Variants in OR2L2 observed in about 807,000 individuals in gnomAD.
OR2L2 encodes olfactory receptor 2L2.
For synonymous variants in OR2L2, 156 were observed against 135.4 expected (o/e 1.15, Z -1.06); for missense variants, 378 against 375.2 (o/e 1.01, Z -0.06).
rs1290793636 is a variant in OR2L2, at chr1:248,038,936, T to A, written c.669T>A (p.Ala223=). The change falls in exon 3 of 3, where the codon GCT becomes GCA. Residue 223 remains alanine, a synonymous_variant. Transcript: ENST00000641771. Reference sequence around the variant, plus strand: ...GTTCCTATGGCCGGGTTCTCCTTGCTGTCTACCGCATGCACTCTGCAGAAG... The same window carrying A: ...GTTCCTATGGCCGGGTTCTCCTTGCAGTCTACCGCATGCACTCTGCAGAAG... ...IACSYGRVLL[A]VYRMHSAEGR... is the part of the protein sequence containing the mutation. The A allele has an allele frequency of 1.9e-6, 3 of 1,614,206 alleles. No homozygotes were observed. Among genetic ancestry groups the A allele is most frequent in the Non-Finnish European group, 2.5e-6 (3 of 1,180,032 alleles).
intron 1 of OR2L2, among the ~76,000 whole-genome samples, chr1:248,034,578 A>T (rs1558191314): frequency 6.6e-6 from 1 of 152,220 alleles, no homozygotes; most frequent in Non-Finnish European, 1.5e-5. Context: ...TTGACATCTT[A>T]ACAGTGTTAA....
At position 248,039,138 on chromosome 1, in the gene OR2L2, C is replaced by G; in HGVS notation, c.871C>G (p.Leu291Val). 6.2e-7 allele frequency: 1 copy of G among 1,613,844 alleles called. No individual in the cohort carries two copies. The highest frequency in any genetic ancestry group is 8.5e-7 in the Non-Finnish European group (1 of 1,179,896). The change falls in exon 3 of 3, where the codon CTG becomes GTG. Residue 291 changes from leucine (L) to valine (V), a missense_variant. By Grantham distance (32) the Leu-to-Val change is conservative. Transcript: ENST00000641771. Reference protein sequence around the residue: ...TPMLNPIIYSLRNKEVMGALT... With the variant: ...TPMLNPIIYSVRNKEVMGALT... ...AATGCTCAACCCCATCATCTACAGC[C>G]TGAGAAACAAGGAGGTGATGGGGGC...
At position 248,040,678 on chromosome 1, in the gene OR2L2, T is replaced by G. The variant is rs1662926481; in HGVS notation, c.*1472T>G. Reference sequence around the variant, plus strand: ...GTAAGAGTAGAGTATATAAGACATATAAGATACAAAGTTGTGTTAATTGAA... The same window carrying G: ...GTAAGAGTAGAGTATATAAGACATAGAAGATACAAAGTTGTGTTAATTGAA... On this transcript the variant is annotated 3_prime_UTR_variant, in exon 3 of 3. Transcript: ENST00000641771. 1 of 152,332 alleles carries G rather than the reference T, an allele frequency of 6.6e-6. No homozygotes were observed. The highest frequency in any genetic ancestry group is 2.1e-4 in the South Asian group (1 of 4,834). The allele number at this position is 152,332 out of a possible 1,614,324, so 9.4% of individuals were successfully genotyped here. A position where few individuals can be genotyped will look rare whatever the true frequency, so the allele number is the denominator to read the frequency against.
Position 248,039,258 on chromosome 1 carries a change from T to A in OR2L2, c.*52T>A. ...CGCTAGGTTCATATCAACTTAGTAG[T>A]GTACAGCAGTGAAGAAAAACATTAT... On this transcript the variant is annotated 3_prime_UTR_variant, in exon 3 of 3. Coordinates refer to ENST00000641771, the MANE Select transcript of OR2L2 (RefSeq NM_001385855.1). 1.3e-6 allele frequency: 2 copies of A among 1,484,336 alleles called. No homozygotes were observed. The allele number at this position is 1,484,336 out of a possible 1,614,324, so 91.9% of individuals were successfully genotyped here.
intron 1 of OR2L2, among the ~76,000 whole-genome samples, chr1:248,033,445 AT>A (rs753152737): frequency 6.8e-6 from 1 of 147,960 alleles, no homozygotes; most frequent in South Asian, 2.1e-4. Flanking sequence ...CTTCTCCTTC[AT>A]TTTTTTTTGA....
Position 248,040,308 on chromosome 1 carries a change from C to A in OR2L2, c.*1102C>A, listed in dbSNP as rs1662915601. ...TCCAGAAGAGCCCATTCCTGAGAGA[C>A]TCTTTTATCTCTGAGGAGAGAAGGC... On this transcript the variant is annotated 3_prime_UTR_variant, in exon 3 of 3. Coordinates refer to ENST00000641771, the MANE Select transcript of OR2L2 (RefSeq NM_001385855.1). 1 of 152,220 alleles carries A rather than the reference C, an allele frequency of 6.6e-6. No individual in the cohort carries two copies. Among genetic ancestry groups the A allele is most frequent in the Non-Finnish European group, 1.5e-5 (1 of 68,068 alleles). 9.4% of individuals were successfully genotyped at this position (152,220 alleles called of 1,614,324 possible).
In OR2L2 at chr1:248,038,523, T is replaced by G; in HGVS notation, c.256T>G (p.Tyr86Asp). The G allele has an allele frequency of 1.2e-6, 2 of 1,614,190 alleles. No individual in the cohort carries two copies. The highest frequency in any genetic ancestry group is 1.7e-6 in the Non-Finnish European group (2 of 1,180,022). ...IVPKMVYDFL[Y>D]GNKSISFTGC... ...TCCAAAGATGGTTTATGATTTTCTG[T>G]ATGGAAACAAGTCTATCTCCTTCAC... Residue 86 changes from tyrosine to aspartate, a missense_variant, in exon 3 of 3, where the codon TAT becomes GAT. Transcript: ENST00000641771.
chr1:248,034,614 G>A (rs970574077), intron 1 of OR2L2, among the ~76,000 whole-genome samples: 2 of 152,100 alleles, frequency 1.3e-5, no homozygotes, highest in African/African-American at 2.4e-5. Flanking sequence ...AATACAGAAT[G>A]TATTTCCATT....
At chr1:248,032,754 G>A (rs1662652434) in intron 1 of OR2L2, among the ~76,000 whole-genome samples, 1 of 151,990 alleles carries the variant, frequency 6.6e-6, no homozygotes, top group Admixed American at 6.6e-5. Flanking sequence ...TTTCTCTGTG[G>A]ATGGACACTT....
chr1:248,030,907 T>G (rs1413134448), intron 1 of OR2L2, among the ~76,000 whole-genome samples: 1 of 152,228 alleles, frequency 6.6e-6, no homozygotes, highest in Non-Finnish European at 1.5e-5. Context: ...GAAGGCTGGT[T>G]TTTCTACTTG....
At chr1:248,035,232 C>T (rs534093703) in intron 1 of OR2L2, among the ~76,000 whole-genome samples, 183 of 152,014 alleles carry the variant, frequency 1.2e-3, no homozygotes, top group South Asian at 3.3e-3. Flanking sequence ...GGGCGGATCA[C>T]GAGGTCAGGA....
chr1:248,035,937 A>G (rs902396598), intron 2 of OR2L2, among the ~76,000 whole-genome samples: 3 of 152,180 alleles, frequency 2.0e-5, no homozygotes, highest in Admixed American at 1.3e-4. Flanking sequence ...TGATGGTGAT[A>G]CATATATACA....
chr1:248,033,228 T>G (rs1054143425), intron 1 of OR2L2, among the ~76,000 whole-genome samples: 1 of 152,178 alleles, frequency 6.6e-6, no homozygotes, highest in African/African-American at 2.4e-5. Flanking sequence ...CACTTAGGTC[T>G]TTGATTTATT....
rs1386108633 is a variant in OR2L2 at position 248,038,853 on chromosome 1, A to T, written c.586A>T (p.Ser196Cys). The T allele has an allele frequency of 3.1e-6, 5 of 1,614,158 alleles. No homozygotes were observed. The highest frequency in any genetic ancestry group is 1.1e-5 in the South Asian group (1 of 91,082). Residue 196 changes from serine to cysteine, a missense_variant, in exon 3 of 3, where the codon AGC becomes TGC. Ser to Cys is a moderately radical substitution (Grantham distance 112). Transcript: ENST00000641771. ...CTGCACAGACACTTGGGTCTATGAGAGCACAGTGTTTTTGAGCAGCACCAT... is the reference window on the plus strand; with the variant it reads ...CTGCACAGACACTTGGGTCTATGAGTGCACAGTGTTTTTGAGCAGCACCAT... ...LACTDTWVYESTVFLSSTIFL... is the reference protein window; with the variant it reads ...LACTDTWVYECTVFLSSTIFL...
chr1:248,036,060 T>C (rs1318146269), intron 2 of OR2L2, among the ~76,000 whole-genome samples: 4 of 152,212 alleles, frequency 2.6e-5, no homozygotes, highest in African/African-American at 9.6e-5. Context: ...TAAAAATATT[T>C]CTCACTTACT....
intron 2 of OR2L2, among the ~76,000 whole-genome samples, chr1:248,036,897 T>C (rs1050699602): frequency 5.9e-5 from 9 of 152,334 alleles, no homozygotes; most frequent in Non-Finnish European, 1.2e-4. Context: ...AATATACTTA[T>C]GATCCCTTCA....
At chr1:248,032,819 A>T (rs895537788) in intron 1 of OR2L2, among the ~76,000 whole-genome samples, 2 of 152,194 alleles carry the variant, frequency 1.3e-5, no homozygotes, top group African/African-American at 4.8e-5. Context: ...ACGTGGGCAT[A>T]TAAGTATGTT....
chr1:248,032,706 A>G (rs1662651019), intron 1 of OR2L2, among the ~76,000 whole-genome samples: 1 of 152,194 alleles, frequency 6.6e-6, no homozygotes, highest in Admixed American at 6.5e-5. Flanking sequence ...AAAACTGAAT[A>G]ATATTCCATT....
rs1385208207 is a variant in OR2L2, at chr1:248,041,004, TCTC to T, written c.*1802_*1804del. On this transcript the variant is annotated 3_prime_UTR_variant, in exon 3 of 3. Transcript: ENST00000641771. ...GAATGGCAAATGTTTATGACTTTCT[TCTC>T]CTCTAATTTAAATTAAGTAGAATTT... 6.6e-5 allele frequency: 10 copies of T among 152,172 alleles called. No individual in the cohort carries two copies. The highest frequency in any genetic ancestry group is 4.1e-4 in the South Asian group (2 of 4,830). The allele number at this position is 152,172 out of a possible 1,614,324, so 9.4% of individuals were successfully genotyped here. A position where few individuals can be genotyped will look rare whatever the true frequency, so the allele number is the denominator to read the frequency against.
Sources: allele counts gnomAD v4.1 joint callset (sites outside exome capture counted in the v4.1 genomes callset), GRCh38; gene constraint gnomAD v4.1.1; transcripts MANE v1.5; gene names NCBI Gene and HGNC (gene_info 2026-07-23, HGNC 2026-07-21).